The following TTC28 variants were observed in gnomAD, a reference collection of about 807,000 sequenced individuals.
TTC28 encodes tetratricopeptide repeat domain 28.
In TTC28, 61 loss-of-function variants were observed where a neutral mutation model predicts 198.0. That is an observed-to-expected ratio of 0.31 (90% CI 0.25 to 0.38). The LOEUF is 0.38. TTC28 is among the 10% of genes least tolerant of loss of function. The pLI is 1.00. For missense variants in TTC28, 2,678 were observed against 3,164.0 expected (o/e 0.85, Z 3.69); for synonymous variants, 1,171 against 1,297.8 (o/e 0.90, Z 2.10).
Position 28,572,371 on chromosome 22 carries a change from C to T in TTC28, c.381+57181G>A, listed in dbSNP as rs568480661. 6.3e-4 allele frequency among the ~76,000 whole-genome samples: 95 copies of T among 151,852 alleles called. 1 individual carries two copies. Among genetic ancestry groups the T allele is most frequent in the Middle Eastern group, 3.4e-3 (1 of 294 alleles). On this transcript the variant is annotated intron_variant, in intron 2 of 22. Coordinates refer to ENST00000397906, the MANE Select transcript of TTC28 (RefSeq NM_001145418.2). ...TGAGAATATTCATGACAGCATTGTT[C>T]GTAATAGGAAAAACTATGTAAACAA... is the stretch of plus-strand genomic sequence containing the variant.
chr22:28,429,258 G>C (rs1167167682), intron 2 of TTC28, among the ~76,000 whole-genome samples: 2 of 152,168 alleles, frequency 1.3e-5, no homozygotes, highest in African/African-American at 4.8e-5. Flanking sequence ...ACCTCTGCCT[G>C]ATCCTACCTA....
At chr22:28,470,334 T>C (rs2048081997) in intron 2 of TTC28, among the ~76,000 whole-genome samples, 1 of 152,210 alleles carries the variant, frequency 6.6e-6, no homozygotes, top group South Asian at 2.1e-4. Flanking sequence ...CCTGAACATC[T>C]TGCTATTGGG....
intron 2 of TTC28, among the ~76,000 whole-genome samples, chr22:28,373,043 C>G (rs1221554284): frequency 1.3e-5 from 2 of 151,970 alleles, no homozygotes; most frequent in African/African-American, 4.8e-5. Context: ...GCAAAAAGAG[C>G]AAGAAAAGAG....
intron 2 of TTC28, among the ~76,000 whole-genome samples, chr22:28,614,396 T>C (rs2050868208): frequency 1.3e-5 from 2 of 152,284 alleles, no homozygotes; most frequent in Non-Finnish European, 2.9e-5. Flanking sequence ...TTCAATGCTA[T>C]CCCCATCAAG....
At chr22:28,566,704 A>G (rs1275824773) in intron 2 of TTC28, among the ~76,000 whole-genome samples, 1 of 152,040 alleles carries the variant, frequency 6.6e-6, no homozygotes, top group Non-Finnish European at 1.5e-5. Context: ...TTTTAAAAAT[A>G]AAAAAAAGAA....
chr22:28,096,427 T>G lies in TTC28; in HGVS notation c.3548-19A>C, dbSNP rs930096879. On this transcript the variant is annotated intron_variant, in intron 10 of 22. Coordinates refer to ENST00000397906, the MANE Select transcript of TTC28 (RefSeq NM_001145418.2). ...TGATGGCCTAGGAGACAAAGAGATA[T>G]GCCGAGGAGTCCATAGTGAGTGTGC... 1 of 1,549,962 alleles carries G rather than the reference T, an allele frequency of 6.5e-7. No homozygotes were observed. The highest frequency in any genetic ancestry group is 8.7e-7 in the Non-Finnish European group (1 of 1,146,762).
At chr22:28,386,642 A>T (rs1423430151) in intron 2 of TTC28, among the ~76,000 whole-genome samples, 1 of 152,116 alleles carries the variant, frequency 6.6e-6, no homozygotes, top group Non-Finnish European at 1.5e-5. Flanking sequence ...AAGAGCTTTA[A>T]AAAAATGCCT....
Position 27,982,929 on chromosome 22 carries a change from A to ACT in TTC28, c.6736_6737dup (p.Ser2246ArgfsTer44). 1 of 1,551,348 alleles carries ACT rather than the reference A, an allele frequency of 6.4e-7. No individual in the cohort carries two copies. The highest frequency in any genetic ancestry group is 8.7e-7 in the Non-Finnish European group (1 of 1,146,906). ...AGGTGGTGGGGCTGCTATATCCGGA[A>ACT]CTCACCTTGGGCAGGGAGGAGCTCC... is the stretch of plus-strand genomic sequence containing the variant. On this transcript the variant is annotated frameshift_variant, in exon 23 of 23. Transcript: ENST00000397906. LOFTEE classifies it high-confidence loss of function. This position sits in a 1 kb window ranked among gnomAD's most constrained non-coding sequence, Gnocchi z 5.2.
intron 3 of TTC28, among the ~76,000 whole-genome samples, chr22:28,304,199 G>C (rs766998260): frequency 1.3e-3 from 202 of 152,046 alleles, no homozygotes; most frequent in Middle Eastern, 3.4e-3. Flanking sequence ...GCAGGAGAAT[G>C]GCGTGAACCC....
At chr22:28,257,304 T>C (rs1930999365) in intron 5 of TTC28, among the ~76,000 whole-genome samples, 1 of 152,158 alleles carries the variant, frequency 6.6e-6, no homozygotes, top group Non-Finnish European at 1.5e-5. Context: ...TGTACTCCCA[T>C]GTTTACTGCA....
chr22:28,506,260 C>A (rs987478039), intron 2 of TTC28, among the ~76,000 whole-genome samples: 3 of 152,108 alleles, frequency 2.0e-5, no homozygotes, highest in African/African-American at 7.2e-5. Context: ...GAGGAAGGAT[C>A]CCCCACAACA....
chr22:28,204,708 T>C (rs995585774), intron 5 of TTC28, among the ~76,000 whole-genome samples: 1 of 152,074 alleles, frequency 6.6e-6, no homozygotes, highest in African/African-American at 2.4e-5. Context: ...TGCCACAGAT[T>C]CCTAAGCCTC....
chr22:28,161,172 A>G (rs778581683), intron 6 of TTC28, among the ~76,000 whole-genome samples: 3 of 152,228 alleles, frequency 2.0e-5, no homozygotes, highest in Non-Finnish European at 4.4e-5. Context: ...ATACATAAAA[A>G]ATTATGGGAT....
Position 28,338,763 on chromosome 22 carries a change from A to C in TTC28, c.382-32120T>G, listed in dbSNP as rs557386315. On this transcript the variant is annotated intron_variant, in intron 2 of 22. Transcript: ENST00000397906. ...GTCTAATTTTTTTTCAAGGTTTTTAACTTCTTTGCCATGGGTTCGAACTTC... is the reference window on the plus strand; with the variant it reads ...GTCTAATTTTTTTTCAAGGTTTTTACCTTCTTTGCCATGGGTTCGAACTTC... Among the ~76,000 whole-genome samples, 19 of 151,714 alleles carry C rather than the reference A, an allele frequency of 1.3e-4. No individual in the cohort carries two copies. In the East Asian group the frequency reaches 3.7e-3, roughly 29 times the overall value.
At chr22:28,271,386 T>A (rs966440588) in intron 5 of TTC28, among the ~76,000 whole-genome samples, 2 of 152,182 alleles carry the variant, frequency 1.3e-5, no homozygotes, top group African/African-American at 4.8e-5. Context: ...TAGATGAACA[T>A]AATCTGGCAG....
intron 12 of TTC28, among the ~76,000 whole-genome samples, chr22:28,030,884 G>T (rs1345030941): frequency 6.6e-6 from 1 of 152,238 alleles, no homozygotes; most frequent in Non-Finnish European, 1.5e-5. Flanking sequence ...TCCAGATGAG[G>T]AGACAAACAT....
intron 2 of TTC28, among the ~76,000 whole-genome samples, chr22:28,340,902 C>T (rs916405284): frequency 1.3e-5 from 2 of 152,092 alleles, no homozygotes; most frequent in African/African-American, 4.8e-5. Flanking sequence ...TAACATTTTA[C>T]ATTTTAATAT....
At position 28,037,612 on chromosome 22, in the gene TTC28, C is replaced by G. The variant is rs550566977; in HGVS notation, c.3933-7246G>C. On this transcript the variant is annotated intron_variant, in intron 12 of 22. Coordinates refer to ENST00000397906, the MANE Select transcript of TTC28 (RefSeq NM_001145418.2). ...ATTCCCTTTGAAAACTGGCACAAGA[C>G]AGGGATGCCCTCTCTCACCACTCCT... is the stretch of plus-strand genomic sequence containing the variant. Among the ~76,000 whole-genome samples, 565 of 152,272 alleles carry G rather than the reference C, an allele frequency of 3.7e-3. 3 individuals are homozygous for G. Among genetic ancestry groups the G allele is most frequent in the African/African-American group, 0.013 (524 of 41,538 alleles).
At chr22:28,060,028 T>C (rs1038178548) in intron 12 of TTC28, among the ~76,000 whole-genome samples, 7 of 152,134 alleles carry the variant, frequency 4.6e-5, no homozygotes, top group Non-Finnish European at 1.0e-4. Flanking sequence ...TATTGTACTA[T>C]TTAGTTCCTT....
Sources: allele counts gnomAD v4.1 joint callset (sites outside exome capture counted in the v4.1 genomes callset), GRCh38; gene constraint gnomAD v4.1.1; non-coding constraint Gnocchi (gnomAD v3.1); transcripts MANE v1.5; gene names NCBI Gene and HGNC (gene_info 2026-07-23, HGNC 2026-07-21).